Variants in KANTR observed in about 807,000 individuals in gnomAD.
The protein encoded by KANTR is KANTR integral membrane protein.
chrX:53,122,365 T>C (rs1398319195), intron 2 of KANTR, among the ~76,000 whole-genome samples: 2 of 112,346 alleles, frequency 1.8e-5, no homozygotes, highest in Non-Finnish European at 3.8e-5. Context: ...CTTTTATGTT[T>C]TCTATGGTGA....
At chrX:53,143,414 T>A, downstream of KANTR, 1 of 642,439 alleles carries the variant, frequency 1.6e-6, no homozygotes, top group Non-Finnish European at 2.5e-6. Context: ...GGCATGGCCC[T>A]CGTAGATGGG....
intron 2 of KANTR, among the ~76,000 whole-genome samples, chrX:53,118,342 G>A (rs1248154148): frequency 8.9e-6 from 1 of 111,877 alleles, no homozygotes; most frequent in Admixed American, 9.5e-5. Flanking sequence ...ATTACACTGA[G>A]TGTAAAATGG....
chrX:53,145,426 C>CA (rs1314572028), downstream of KANTR, among the ~76,000 whole-genome samples: 2 of 111,971 alleles, frequency 1.8e-5, no homozygotes, highest in African/African-American at 6.5e-5. Context: ...AGTCTGAGCT[C>CA]AAACTGCAAG....
At chrX:53,096,659 C>G (rs1932847091) in intron 1 of KANTR, among the ~76,000 whole-genome samples, 1 of 109,913 alleles carries the variant, frequency 9.1e-6, no homozygotes, top group Non-Finnish European at 1.9e-5. Context: ...AACCCCGTCT[C>G]TACAAAAAAT....
Position 53,141,382 on chromosome X carries a change from CT to C in KANTR, n.204-463del, listed in dbSNP as rs1457017386. Among the ~76,000 whole-genome samples the C allele has an allele frequency of 3.6e-5, 4 of 111,285 alleles. No homozygotes were observed. The East Asian group carries it at 1.1e-3, about 31-fold the overall frequency. ...TGCCTTCCTCCTGCTCATCATGATA[CT>C]TTGTTGGTGTGCATATGTGTAGTAT... On this transcript the variant is annotated intron_variant and non_coding_transcript_variant, in intron 2 of 2. Transcript: ENST00000366185.
intron 1 of KANTR, among the ~76,000 whole-genome samples, chrX:53,097,242 C>T (rs1367106501): frequency 9.0e-6 from 1 of 111,492 alleles, no homozygotes; most frequent in East Asian, 2.8e-4. Flanking sequence ...TCTCATACCC[C>T]TCTTACCGGG....
chrX:53,122,362 G>C (rs782819224), intron 2 of KANTR, among the ~76,000 whole-genome samples: 10 of 111,906 alleles, frequency 8.9e-5, no homozygotes, highest in Non-Finnish European at 1.5e-4. Context: ...ATTCTTTTAT[G>C]TTTTCTATGG....
intron 2 of KANTR, among the ~76,000 whole-genome samples, chrX:53,141,272 A>G (rs1933498219): frequency 1.8e-5 from 2 of 112,276 alleles, no homozygotes; most frequent in Non-Finnish European, 3.8e-5. Flanking sequence ...CATGGCTCCT[A>G]CTACCAGAGA....
intron 2 of KANTR, among the ~76,000 whole-genome samples, chrX:53,138,452 C>T (rs186431949): frequency 0.04 from 4,368 of 107,904 alleles, 225 homozygotes; most frequent in African/African-American, 0.14. Context: ...CACCTGAGGT[C>T]GAGAGTTCAA....
exon 3 of KANTR, chrX:53,142,698 G>C: frequency 2.6e-6 from 1 of 378,829 alleles, no homozygotes; most frequent in Non-Finnish European, 5.0e-6. Context: ...TTATACTGCT[G>C]AATTAACCCA....
chrX:53,137,738 C>T (rs56764640), intron 2 of KANTR, among the ~76,000 whole-genome samples: 1 of 107,103 alleles, frequency 9.3e-6, no homozygotes, highest in East Asian at 2.9e-4. Flanking sequence ...CATTGCACTC[C>T]AGCCTGGGCA....
chrX:53,111,796 G>A (rs1440859896), intron 2 of KANTR, among the ~76,000 whole-genome samples: 2 of 110,803 alleles, frequency 1.8e-5, no homozygotes, highest in African/African-American at 6.6e-5. Context: ...ACTAAAAACC[G>A]TGGCTTCAGG....
chrX:53,107,625 G>A (rs1012471725), intron 2 of KANTR, among the ~76,000 whole-genome samples: 4 of 109,442 alleles, frequency 3.7e-5, no homozygotes, highest in Admixed American at 2.9e-4. Context: ...TACAAGTCTT[G>A]CAGTTCCTTT....
intron 2 of KANTR, among the ~76,000 whole-genome samples, chrX:53,111,693 C>T (rs782547069): frequency 4.5e-5 from 5 of 111,581 alleles, no homozygotes; most frequent in South Asian, 3.7e-4. Flanking sequence ...TCCAAGGGAA[C>T]GAATACAGTC....
At chrX:53,136,693 CATATATATATATATATATATAT>C (rs58263602) in intron 2 of KANTR, among the ~76,000 whole-genome samples, 284 of 9,299 alleles carry the variant, frequency 0.031, 55 homozygotes, top group Non-Finnish European at 0.08. Flanking sequence ...CCACGCCCGG[CATATATATATATATATATATAT>C]ATATATATAT....
At chrX:53,101,661 A>G (rs1208014213) in intron 2 of KANTR, among the ~76,000 whole-genome samples, 1 of 110,942 alleles carries the variant, frequency 9.0e-6, no homozygotes, top group African/African-American at 3.3e-5. Context: ...ACATGGGTAC[A>G]GTTCATGGTG....
Position 53,122,208 on chromosome X carries a change from C to G in KANTR, c.-804-1261C>G, listed in dbSNP as rs782305227. Among the ~76,000 whole-genome samples, 9 of 111,883 alleles carry G rather than the reference C, an allele frequency of 8.0e-5. 1 individual carries two copies. In the South Asian group the frequency reaches 3.3e-3, roughly 42 times the overall value. ...TGCCAGTTGGCTCCTGTGTCCCTTT[C>G]ACATGCTCCCATCCTTTGGTTTTGA... On this transcript the variant is annotated intron_variant, in intron 2 of 2. Transcript: ENST00000604062.
downstream of KANTR, among the ~76,000 whole-genome samples, chrX:53,132,212 C>T (rs1436813007): frequency 1.8e-5 from 2 of 111,727 alleles, no homozygotes; most frequent in Non-Finnish European, 3.8e-5. Context: ...CTATAAAAAT[C>T]TCAGCAGGCT....
At chrX:53,110,767 A>G (rs1485939950) in intron 2 of KANTR, among the ~76,000 whole-genome samples, 1 of 110,164 alleles carries the variant, frequency 9.1e-6, no homozygotes, top group Non-Finnish European at 1.9e-5. Context: ...TACTAAAAAT[A>G]CAAAAATTAG....
Sources: allele counts gnomAD v4.1 joint callset (sites outside exome capture counted in the v4.1 genomes callset), GRCh38; gene constraint gnomAD v4.1.1; transcripts MANE v1.5; gene names NCBI Gene and HGNC (gene_info 2026-07-23, HGNC 2026-07-21).